Variants in OPHN1 observed in about 807,000 individuals in gnomAD.
OPHN1 encodes oligophrenin 1.
Under a neutral mutation model 60.7 loss-of-function variants are expected in OPHN1, and 11 were observed. The observed-to-expected ratio is 0.18, with a 90% CI of 0.11 to 0.30. The LOEUF is 0.30. Among genes scored for constraint, OPHN1 ranks in the 10% least tolerant of loss-of-function variants. The probability of loss-of-function intolerance (pLI) is 1.00; values close to 1 mark genes in which losing one functional copy is unlikely to be tolerated. For missense variants in OPHN1, 449 were observed against 611.0 expected (o/e 0.73, Z 2.80); for synonymous variants, 226 against 222.6 (o/e 1.02, Z -0.14).
At chrX:68,358,183 T>C (rs893223382) in intron 2 of OPHN1, among the ~76,000 whole-genome samples, 1 of 109,215 alleles carries the variant, frequency 9.2e-6, no homozygotes, top group Non-Finnish European at 1.9e-5. Flanking sequence ...TAGCCAGGCA[T>C]GGTGCTGCAC....
rs774434409 is a variant in OPHN1, at chrX:68,073,064, A to G, written c.1834+88T>C. On this transcript the variant is annotated intron_variant, in intron 20 of 24. Transcript: ENST00000355520. ...GGAAAGGTCTACTTTTATAGAGAGA[A>G]AAATGGTCATGCCACCGCTTCTGCC... is the stretch of plus-strand genomic sequence containing the variant. 9 of 1,045,194 alleles carry G rather than the reference A, an allele frequency of 8.6e-6. No homozygotes were observed. In the South Asian group the frequency reaches 1.8e-4, roughly 21 times the overall value. 86.1% of individuals were successfully genotyped at this position (1,045,194 alleles called of 1,213,427 possible). A position where few individuals can be genotyped will look rare whatever the true frequency, so the allele number is the denominator to read the frequency against.
At chrX:68,274,064 G>A (rs1446326547) in intron 5 of OPHN1, among the ~76,000 whole-genome samples, 3 of 111,552 alleles carry the variant, frequency 2.7e-5, no homozygotes, top group Admixed American at 9.5e-5. Context: ...GAACAGCATC[G>A]AGGGGATAGT....
At chrX:68,273,526 C>T (rs1265455554) in intron 5 of OPHN1, among the ~76,000 whole-genome samples, 5 of 112,192 alleles carry the variant, frequency 4.5e-5, no homozygotes, top group South Asian at 3.7e-4. Context: ...TATTGTCCAA[C>T]GGAACTTTGC....
chrX:68,296,465 C>A (rs1229418309), intron 3 of OPHN1, among the ~76,000 whole-genome samples: 1 of 109,741 alleles, frequency 9.1e-6, no homozygotes, highest in Non-Finnish European at 1.9e-5. Context: ...CGAGACCAGC[C>A]TGGCCAACGT....
chrX:68,048,374 A>C (rs2076839264), intron 24 of OPHN1, 42 bp downstream of exon 24: 5 of 1,134,346 alleles, frequency 4.4e-6, no homozygotes, highest in Non-Finnish European at 6.0e-6. Context: ...ATGAAGGCTT[A>C]TGTGGAACAA....
chrX:68,068,941 T>C (rs150030615), intron 20 of OPHN1, among the ~76,000 whole-genome samples: 2,850 of 112,065 alleles, frequency 0.025, 92 homozygotes, highest in African/African-American at 0.087. Context: ...GAAGTAAATT[T>C]AAAAGTATTG....
intron 2 of OPHN1, among the ~76,000 whole-genome samples, chrX:68,425,561 G>C (rs1327656049): frequency 9.0e-6 from 1 of 111,429 alleles, no homozygotes; most frequent in African/African-American, 3.3e-5. Context: ...TCACCAGATA[G>C]GTGCTCCGGT....
chrX:68,169,622 C>T (rs1473984680), intron 15 of OPHN1, among the ~76,000 whole-genome samples: 6 of 107,245 alleles, frequency 5.6e-5, no homozygotes, highest in Admixed American at 1.0e-4. Flanking sequence ...TCAGAAATAA[C>T]GCCACATATC....
At chrX:68,167,895 G>C (rs1043800856) in intron 15 of OPHN1, among the ~76,000 whole-genome samples, 1 of 110,934 alleles carries the variant, frequency 9.0e-6, no homozygotes, top group Non-Finnish European at 1.9e-5. Flanking sequence ...AATGGAGTAT[G>C]ATTCAGAATG....
intron 20 of OPHN1, among the ~76,000 whole-genome samples, chrX:68,066,906 C>T (rs2076914995): frequency 8.9e-6 from 1 of 111,904 alleles, no homozygotes; most frequent in African/African-American, 3.3e-5. Flanking sequence ...TAACCAGCCA[C>T]CCATTTCTAC....
At chrX:68,371,590 T>C (rs2078529223) in intron 2 of OPHN1, among the ~76,000 whole-genome samples, 1 of 111,704 alleles carries the variant, frequency 9.0e-6, no homozygotes, top group African/African-American at 3.3e-5. Context: ...TACAGTAACA[T>C]GCAGTATAGG....
At chrX:68,171,825 G>T (rs1391405885) in intron 15 of OPHN1, among the ~76,000 whole-genome samples, 1 of 111,626 alleles carries the variant, frequency 9.0e-6, no homozygotes, top group Non-Finnish European at 1.9e-5. Flanking sequence ...TTTCATAAAA[G>T]AAGATATATA....
intron 19 of OPHN1, among the ~76,000 whole-genome samples, chrX:68,092,772 T>G (rs2077023568): frequency 8.9e-6 from 1 of 111,771 alleles, no homozygotes; most frequent in African/African-American, 3.2e-5. Flanking sequence ...TGAGGTCATT[T>G]GCCAACCAAC....
At chrX:68,111,736 T>G (rs2077104765) in intron 18 of OPHN1, 118 bp downstream of exon 18, 1 of 540,980 alleles carries the variant, frequency 1.8e-6, no homozygotes, top group African/African-American at 2.3e-5. Context: ...GCATTCAGCT[T>G]CCAAGGAAGC....
rs1033071630 is a variant in OPHN1 at position 68,096,888 on chromosome X, T to C, written c.1668A>G (p.Leu556=). 2.5e-6 allele frequency: 3 copies of C among 1,210,582 alleles called. No individual in the cohort carries two copies. Among genetic ancestry groups the C allele is most frequent in the Non-Finnish European group, 3.4e-6 (3 of 894,965 alleles). Residue 556 remains leucine (L), a synonymous_variant, in exon 19 of 25, where the codon CTA becomes CTG. Coordinates refer to ENST00000355520, the MANE Select transcript of OPHN1 (RefSeq NM_002547.3). ...TGCATACCTTGCCAAAGTGCTCGAT[T>C]AGTATTTCCACCACTATGTTCTGGA... ...IKFQNIVVEI[L]IEHFGKIYLG... is the part of the protein sequence containing the mutation.
intron 2 of OPHN1, among the ~76,000 whole-genome samples, chrX:68,411,166 T>C (rs1391900359): frequency 9.0e-6 from 1 of 111,667 alleles, no homozygotes; most frequent in Non-Finnish European, 1.9e-5. Flanking sequence ...TTATTTTAGG[T>C]TCAGGCATAC....
At chrX:68,279,058 A>G (rs1435025442) in intron 4 of OPHN1, among the ~76,000 whole-genome samples, 1 of 100,865 alleles carries the variant, frequency 9.9e-6, no homozygotes, top group Non-Finnish European at 2.0e-5. Flanking sequence ...TCATAATCAT[A>G]TAAGAAGTGT....
At chrX:68,218,416 G>A (rs1198092200) in intron 6 of OPHN1, among the ~76,000 whole-genome samples, 55 of 100,092 alleles carry the variant, frequency 5.5e-4, no homozygotes, top group African/African-American at 1.9e-3. Flanking sequence ...TCAGATTCAG[G>A]AAATACAGAG....
At chrX:68,267,002 A>G (rs1393178781) in intron 5 of OPHN1, among the ~76,000 whole-genome samples, 4 of 112,016 alleles carry the variant, frequency 3.6e-5, no homozygotes, top group African/African-American at 1.3e-4. Flanking sequence ...TATGCACCCA[A>G]TACAGGAGCA....
Sources: gnomAD v4.1 joint callset for allele counts (sites outside exome capture counted in the v4.1 genomes callset) on GRCh38, gnomAD v4.1.1 for gene constraint, MANE v1.5 for transcripts, NCBI Gene and HGNC (gene_info 2026-07-23, HGNC 2026-07-21) for gene names.